ARFIP1: variants seen among roughly 807,000 people sequenced by gnomAD.
The protein encoded by ARFIP1 is arfaptin-1.
A neutral mutation model predicts 42.5 loss-of-function variants in ARFIP1; 24 were observed. That is an observed-to-expected ratio of 0.57 (90% CI 0.41 to 0.80). The LOEUF is 0.80. Among genes scored for constraint, ARFIP1 ranks in the 30% least tolerant of loss-of-function variants. The pLI, the probability that ARFIP1 is intolerant of heterozygous loss-of-function variation, is 0.00. For synonymous variants in ARFIP1, 141 were observed against 153.7 expected (o/e 0.92, Z 0.61); for missense variants, 354 against 434.0 (o/e 0.82, Z 1.64).
intron 8 of ARFIP1, among the ~76,000 whole-genome samples, chr4:152,904,195 TA>T (rs1309523510): frequency 2.3e-5 from 2 of 88,656 alleles, no homozygotes; most frequent in African/African-American, 9.7e-5. Flanking sequence ...TATATATATA[TA>T]TATTTTTTTT....
intron 1 of ARFIP1, among the ~76,000 whole-genome samples, chr4:152,795,819 A>ATTTTTTTTTTT (rs1255846759): frequency 2.4e-4 from 4 of 16,770 alleles, no homozygotes; most frequent in Non-Finnish European, 3.5e-4. Context: ...GGGCCCTTGT[A>ATTTTTTTTTTT]ATTTTTTTTT....
intron 2 of ARFIP1, among the ~76,000 whole-genome samples, chr4:152,858,340 C>T (rs1733608322): frequency 6.6e-6 from 1 of 152,088 alleles, no homozygotes; most frequent in African/African-American, 2.4e-5. Context: ...TTCCATAGCT[C>T]AGGCAGTACT....
chr4:152,806,838 T>C (rs1279907092), intron 1 of ARFIP1, among the ~76,000 whole-genome samples: 7 of 150,310 alleles, frequency 4.7e-5, no homozygotes, highest in African/African-American at 1.8e-4. Context: ...TTTTTTTCTT[T>C]TTCTTTCTTT....
chr4:152,882,311 CTTTGT>C (rs979635578), intron 6 of ARFIP1, among the ~76,000 whole-genome samples: 1 of 151,994 alleles, frequency 6.6e-6, no homozygotes, highest in African/African-American at 2.4e-5. Flanking sequence ...AAAAAATGCA[CTTTGT>C]TTTATGTCTG....
intron 1 of ARFIP1, among the ~76,000 whole-genome samples, chr4:152,793,801 G>T (rs1052713162): frequency 2.0e-5 from 3 of 152,098 alleles, no homozygotes; most frequent in Non-Finnish European, 2.9e-5. Flanking sequence ...TTCCTCATTG[G>T]TGCTGTTTTA....
At chr4:152,797,986 G>A (rs1005459882) in intron 1 of ARFIP1, among the ~76,000 whole-genome samples, 2 of 152,128 alleles carry the variant, frequency 1.3e-5, no homozygotes, top group Admixed American at 6.5e-5. Flanking sequence ...GGCCGGGCGC[G>A]GTGGCTCATG....
At chr4:152,866,241 A>G (rs1465099054) in intron 3 of ARFIP1, among the ~76,000 whole-genome samples, 1 of 152,266 alleles carries the variant, frequency 6.6e-6, no homozygotes, top group Non-Finnish European at 1.5e-5. Flanking sequence ...TAGTACAGAA[A>G]AAATGAAATG....
intron 2 of ARFIP1, among the ~76,000 whole-genome samples, chr4:152,848,859 C>T (rs1732765273): frequency 6.6e-6 from 1 of 152,136 alleles, no homozygotes; most frequent in African/African-American, 2.4e-5. Flanking sequence ...AGTTTGTCTC[C>T]ATTCTATATA....
chr4:152,873,015 A>G (rs186409945), intron 5 of ARFIP1, among the ~76,000 whole-genome samples: 1 of 152,346 alleles, frequency 6.6e-6, no homozygotes, highest in Admixed American at 6.5e-5. Context: ...TGTGTTTCTA[A>G]AGTTTGTTAA....
intron 2 of ARFIP1, among the ~76,000 whole-genome samples, chr4:152,833,053 A>G: frequency 6.6e-6 from 1 of 152,188 alleles, no homozygotes; most frequent in East Asian, 1.9e-4. Flanking sequence ...GACTACGTCA[A>G]ACTAAAAACT....
chr4:152,809,413 C>T (rs1025415108), intron 1 of ARFIP1, among the ~76,000 whole-genome samples: 1 of 152,084 alleles, frequency 6.6e-6, no homozygotes, highest in African/African-American at 2.4e-5. Context: ...CTCAGCAATA[C>T]AAAAGGAATG....
At chr4:152,780,994 C>G (rs539724918) in intron 1 of ARFIP1, among the ~76,000 whole-genome samples, 3 of 152,180 alleles carry the variant, frequency 2.0e-5, no homozygotes, top group Admixed American at 2.0e-4. Context: ...ATTTCTGTCC[C>G]CCGCCCCTAC....
At chr4:152,861,369 A>T (rs1262803370) in intron 2 of ARFIP1, among the ~76,000 whole-genome samples, 1 of 152,244 alleles carries the variant, frequency 6.6e-6, no homozygotes, top group Non-Finnish European at 1.5e-5. Context: ...TCTCAGAAGT[A>T]TAGAGATGAT....
intron 8 of ARFIP1, among the ~76,000 whole-genome samples, chr4:152,903,731 G>GT (rs1004826637): frequency 6.6e-6 from 1 of 152,178 alleles, no homozygotes; most frequent in East Asian, 1.9e-4. Flanking sequence ...GCATTGTGGG[G>GT]TGGGGGGCCA....
At chr4:152,871,293 A>C (rs1734857832) in intron 4 of ARFIP1, among the ~76,000 whole-genome samples, 1 of 152,192 alleles carries the variant, frequency 6.6e-6, no homozygotes, top group Non-Finnish European at 1.5e-5. Context: ...TAACTTACAA[A>C]TAGTTTGCAG....
At chr4:152,909,398 AAAC>A (rs1191841376) in intron 8 of ARFIP1, among the ~76,000 whole-genome samples, 1 of 152,182 alleles carries the variant, frequency 6.6e-6, no homozygotes, top group Non-Finnish European at 1.5e-5. Flanking sequence ...AAACAAAACA[AAAC>A]AAAAGAAAAA....
Position 152,829,610 on chromosome 4 carries a change from C to G in ARFIP1, c.-9-15C>G. On this transcript the variant is annotated splice_polypyrimidine_tract_variant and intron_variant, in intron 1 of 8. Transcript: ENST00000353617. ...TGGTATTAGTTACGGCGCTTTTTTTCTTCTTTTGTTTTAGGAGTCTACCAT... is the reference window on the plus strand; with the variant it reads ...TGGTATTAGTTACGGCGCTTTTTTTGTTCTTTTGTTTTAGGAGTCTACCAT... The G allele has an allele frequency of 1.9e-6, 3 of 1,565,818 alleles. No individual in the cohort carries two copies.
chr4:152,827,891 T>C (rs1260984955), intron 1 of ARFIP1, among the ~76,000 whole-genome samples: 1 of 152,128 alleles, frequency 6.6e-6, no homozygotes, highest in Non-Finnish European at 1.5e-5. Context: ...CCCAGGCTAG[T>C]CTCAAACTCC....
intron 1 of ARFIP1, among the ~76,000 whole-genome samples, chr4:152,787,977 G>A (rs946782595): frequency 6.6e-6 from 1 of 152,204 alleles, no homozygotes; most frequent in African/African-American, 2.4e-5. Flanking sequence ...TGTAATCCCA[G>A]CACTTTGGGT....
Sources: allele counts gnomAD v4.1 joint callset (sites outside exome capture counted in the v4.1 genomes callset), GRCh38; gene constraint gnomAD v4.1.1; transcripts MANE v1.5; gene names NCBI Gene and HGNC (gene_info 2026-07-23, HGNC 2026-07-21).